SGCZ: variants seen among roughly 807,000 people sequenced by gnomAD.
SGCZ encodes the protein sarcoglycan zeta, also known as zeta-sarcoglycan.
A neutral mutation model predicts 41.3 loss-of-function variants in SGCZ; 40 were observed. The ratio of observed to expected loss-of-function variants is 0.97; its 90% CI spans 0.75 to 1.26. The LOEUF (loss-of-function observed/expected upper bound fraction) is 1.26, where lower values mean the gene tolerates loss of function less well. Among genes scored for constraint, SGCZ ranks in the 50% most tolerant of loss-of-function variants. The pLI is 0.00. For synonymous variants in SGCZ, 206 were observed against 137.5 expected (o/e 1.50, Z -3.49); for missense variants, 552 against 369.8 (o/e 1.49, Z -4.04).
intron 1 of SGCZ, among the ~76,000 whole-genome samples, chr8:15,184,125 TTA>T (rs1260445854): frequency 9.2e-5 from 14 of 152,338 alleles, no homozygotes; most frequent in African/African-American, 3.4e-4. Flanking sequence ...TCTGCAACAA[TTA>T]TGTTTAAAAC....
intron 1 of SGCZ, among the ~76,000 whole-genome samples, chr8:14,951,128 A>T (rs1179616951): frequency 1.3e-5 from 2 of 152,062 alleles, no homozygotes; most frequent in East Asian, 3.9e-4. Flanking sequence ...GCCTTAATGT[A>T]ATCTTATGTT....
At chr8:14,737,894 T>C (rs1468092641) in intron 1 of SGCZ, among the ~76,000 whole-genome samples, 1 of 152,158 alleles carries the variant, frequency 6.6e-6, no homozygotes, top group African/African-American at 2.4e-5. Flanking sequence ...AAAGGTACTG[T>C]ACTGAATAGT....
At chr8:14,611,915 G>C (rs1247176286) in intron 1 of SGCZ, among the ~76,000 whole-genome samples, 1 of 152,146 alleles carries the variant, frequency 6.6e-6, no homozygotes, top group African/African-American at 2.4e-5. Context: ...TATTTGCACT[G>C]TGTAAAATAC....
rs527490572 is a variant in SGCZ, at chr8:14,191,144, G to C, written c.425-26442C>G. On this transcript the variant is annotated intron_variant, in intron 4 of 7. Coordinates refer to ENST00000382080, the MANE Select transcript of SGCZ (RefSeq NM_139167.4). ...TGTATGAGTCATTTTTATGTCTTTG[G>C]AAAGATGTCTGTTAAGGTTCTTTGC... Among the ~76,000 whole-genome samples the C allele has an allele frequency of 1.3e-3, 200 of 152,138 alleles. 2 individuals are homozygous for C. Among genetic ancestry groups the C allele is most frequent in the Middle Eastern group, 3.4e-3 (1 of 294 alleles).
intron 1 of SGCZ, among the ~76,000 whole-genome samples, chr8:15,094,629 G>C (rs1806270706): frequency 6.6e-6 from 1 of 152,132 alleles, no homozygotes; most frequent in Admixed American, 6.5e-5. Context: ...CAGTAAGCTA[G>C]GATGCTATGA....
Position 14,309,280 on chromosome 8 carries a change from T to C in SGCZ, c.336+14823A>G, listed in dbSNP as rs528208498. 858 of 1,561,724 alleles carry C rather than the reference T, an allele frequency of 5.5e-4. 7 individuals carry two copies. In the African/African-American group the frequency reaches 0.01, roughly 19 times the overall value. ...TCCAGTTGTCTAGTAATTTAATGCC[T>C]GGCTGTGACTACTCACTTTTTAAGG... is the stretch of plus-strand genomic sequence containing the variant. On this transcript the variant is annotated intron_variant, in intron 3 of 7. Coordinates refer to ENST00000382080, the MANE Select transcript of SGCZ (RefSeq NM_139167.4).
In SGCZ at chr8:14,280,146, C is replaced by G. The variant is rs190605896; in HGVS notation, c.337-42467G>C. On this transcript the variant is annotated intron_variant, in intron 3 of 7. Coordinates refer to ENST00000382080, the MANE Select transcript of SGCZ (RefSeq NM_139167.4). The stretch of plus-strand genomic sequence containing the variant: ...TACAGTATAAGCAGAAAACTGTATA[C>G]AGAATCTTCCATCACTGTCAATTAT... Among the ~76,000 whole-genome samples the G allele has an allele frequency of 3.9e-3, 591 of 151,938 alleles. 4 individuals carry two copies. Among genetic ancestry groups the G allele is most frequent in the African/African-American group, 0.013 (539 of 41,526 alleles).
At chr8:14,379,072 A>G (rs1416515000) in intron 2 of SGCZ, among the ~76,000 whole-genome samples, 1 of 152,236 alleles carries the variant, frequency 6.6e-6, no homozygotes, top group Admixed American at 6.5e-5. Flanking sequence ...TGGGGAAAAA[A>G]TAGTATGCAC....
intron 1 of SGCZ, among the ~76,000 whole-genome samples, chr8:14,759,847 G>A (rs1272402503): frequency 6.6e-6 from 1 of 152,104 alleles, no homozygotes; most frequent in Non-Finnish European, 1.5e-5. Context: ...TACTTTAAAA[G>A]GAGGAAAGAT....
chr8:14,723,801 T>A (rs1809966574), intron 1 of SGCZ, among the ~76,000 whole-genome samples: 1 of 152,138 alleles, frequency 6.6e-6, no homozygotes, highest in Non-Finnish European at 1.5e-5. Flanking sequence ...ACATACTATA[T>A]GTATATAATA....
intron 2 of SGCZ, among the ~76,000 whole-genome samples, chr8:14,448,981 A>G (rs1466169828): frequency 6.6e-6 from 1 of 152,198 alleles, no homozygotes; most frequent in Non-Finnish European, 1.5e-5. Flanking sequence ...TTCAAGATCA[A>G]TTTTATTTAC....
chr8:15,059,351 T>A (rs1421649957), intron 1 of SGCZ, among the ~76,000 whole-genome samples: 1 of 152,308 alleles, frequency 6.6e-6, no homozygotes, highest in Non-Finnish European at 1.5e-5. Flanking sequence ...TGAACTCAAG[T>A]TGGCACTTGT....
In SGCZ at chr8:14,480,525, TTA is replaced by T. The variant is rs564184969; in HGVS notation, c.234+74205_234+74206del. Among the ~76,000 whole-genome samples the T allele has an allele frequency of 9.8e-4, 149 of 152,318 alleles. 2 individuals are homozygous for T. In the South Asian group the frequency reaches 0.03, roughly 31 times the overall value. ...ATCCACTTTCATGACTTCGTTATGC[TTA>T]TAACTACCACGTAATTCTTTATACT... On this transcript the variant is annotated intron_variant, in intron 2 of 7. Transcript: ENST00000382080.
intron 2 of SGCZ, among the ~76,000 whole-genome samples, chr8:14,415,102 CTG>C (rs1406211186): frequency 6.6e-6 from 1 of 151,868 alleles, no homozygotes; most frequent in East Asian, 1.9e-4. Flanking sequence ...TGAAGTAAAA[CTG>C]TTCTGTAATT....
intron 1 of SGCZ, among the ~76,000 whole-genome samples, chr8:14,864,592 T>C (rs985336267): frequency 1.3e-5 from 2 of 152,162 alleles, no homozygotes; most frequent in Non-Finnish European, 2.9e-5. Context: ...TTAGATTGTT[T>C]GTTTGTAGGG....
At chr8:14,517,682 T>C (rs1029899101) in intron 2 of SGCZ, among the ~76,000 whole-genome samples, 2 of 151,950 alleles carry the variant, frequency 1.3e-5, no homozygotes, top group African/African-American at 2.4e-5. Flanking sequence ...TTTTAAAATG[T>C]TTTTTGGCAT....
intron 2 of SGCZ, among the ~76,000 whole-genome samples, chr8:14,387,696 A>C (rs1269842354): frequency 1.3e-5 from 2 of 151,956 alleles, no homozygotes; most frequent in Admixed American, 6.6e-5. Context: ...TATGTTGAGG[A>C]GCACAAAAAG....
At chr8:14,731,543 T>A (rs1006514085) in intron 1 of SGCZ, among the ~76,000 whole-genome samples, 3 of 152,094 alleles carry the variant, frequency 2.0e-5, no homozygotes, top group Non-Finnish European at 4.4e-5. Flanking sequence ...ATAAAAATAA[T>A]TTTTAAAAAA....
intron 2 of SGCZ, among the ~76,000 whole-genome samples, chr8:14,528,940 A>T (rs187871182): frequency 1.3e-5 from 2 of 151,994 alleles, no homozygotes; most frequent in Non-Finnish European, 2.9e-5. Context: ...CCACTGCAAT[A>T]TCCTAATTTT....
Sources: gnomAD v4.1 joint callset for allele counts (sites outside exome capture counted in the v4.1 genomes callset) on GRCh38, gnomAD v4.1.1 for gene constraint, MANE v1.5 for transcripts, NCBI Gene and HGNC (gene_info 2026-07-23, HGNC 2026-07-21) for gene names.